The following CLVS1 variants were observed in gnomAD, a reference collection of about 807,000 sequenced individuals.
CLVS1 encodes clavesin-1.
A neutral mutation model predicts 33.1 loss-of-function variants in CLVS1; 10 were observed. The observed-to-expected ratio is 0.30, with a 90% CI of 0.19 to 0.51. The LOEUF is 0.51. CLVS1 is among the 20% of genes least tolerant of loss of function. CLVS1 has a pLI of 0.97. For missense variants in CLVS1, 343 were observed against 433.4 expected, an observed-to-expected ratio of 0.79 and a Z score of 1.85; for synonymous variants, 163 against 166.1, an observed-to-expected ratio of 0.98 and a Z score of 0.14.
At chr8:61,495,481 AGGG>A (rs1462744188) in intron 5 of CLVS1, among the ~76,000 whole-genome samples, 2 of 152,214 alleles carry the variant, frequency 1.3e-5, no homozygotes. Context: ...CTCCCAAAAC[AGGG>A]AAAGGGGAAG....
At chr8:61,137,134 A>C (rs1052641348) in intron 2 of CLVS1, among the ~76,000 whole-genome samples, 2 of 152,230 alleles carry the variant, frequency 1.3e-5, no homozygotes, top group Non-Finnish European at 2.9e-5. Flanking sequence ...CGTGCTGCAT[A>C]ATAGAAGACA....
At chr8:61,092,223 A>T (rs535871594) in intron 1 of CLVS1, among the ~76,000 whole-genome samples, 1 of 152,164 alleles carries the variant, frequency 6.6e-6, no homozygotes. Context: ...ATTAATTACC[A>T]GTTGGTGTTT....
At chr8:61,494,659 T>TTG (rs3063292) in intron 5 of CLVS1, among the ~76,000 whole-genome samples, 126,374 of 151,984 alleles carry the variant, frequency 0.83, 52,867 homozygotes, top group Non-Finnish European at 0.86. Flanking sequence ...GGAGACATGT[T>TTG]TCAGTGAGCA....
chr8:61,186,513 A>G (rs1807346762), intron 2 of CLVS1, among the ~76,000 whole-genome samples: 1 of 152,192 alleles, frequency 6.6e-6, no homozygotes. Context: ...AAAGTGACAG[A>G]TAAATGCTCT....
intron 1 of CLVS1, among the ~76,000 whole-genome samples, chr8:61,100,023 C>T (rs1805421075): frequency 6.6e-6 from 1 of 152,130 alleles, no homozygotes; most frequent in African/African-American, 2.4e-5. Context: ...ATGGGAAACA[C>T]CATCTTCCAC....
chr8:61,151,491 G>C (rs1202421607), intron 2 of CLVS1, among the ~76,000 whole-genome samples: 1 of 152,176 alleles, frequency 6.6e-6, no homozygotes, highest in Non-Finnish European at 1.5e-5. Flanking sequence ...ATGGAGGCTA[G>C]ATCAGCCTTA....
chr8:61,464,163 C>A (rs1021347509), intron 5 of CLVS1, among the ~76,000 whole-genome samples: 1 of 151,938 alleles, frequency 6.6e-6, no homozygotes, highest in African/African-American at 2.4e-5. Context: ...GTGAGTCATG[C>A]TGTTGGAAAA....
chr8:61,404,258 A>T (rs1210196512), intron 3 of CLVS1, among the ~76,000 whole-genome samples: 1 of 152,180 alleles, frequency 6.6e-6, no homozygotes, highest in East Asian at 1.9e-4. Flanking sequence ...TGTCCAGAGT[A>T]TTCTGTGAGT....
chr8:61,367,226 T>A (rs1290366944), intron 2 of CLVS1, among the ~76,000 whole-genome samples: 2 of 152,254 alleles, frequency 1.3e-5, no homozygotes, highest in East Asian at 3.9e-4. Flanking sequence ...ACAGAAGCCA[T>A]CATTTCCTTC....
chr8:61,085,321 C>T (rs1314059850), intron 1 of CLVS1, among the ~76,000 whole-genome samples: 1 of 152,274 alleles, frequency 6.6e-6, no homozygotes, highest in South Asian at 2.1e-4. Context: ...TGTCCCAAAA[C>T]ATGTAAGTAG....
At chr8:61,249,063 A>G (rs919089555) in intron 2 of CLVS1, among the ~76,000 whole-genome samples, 2 of 151,874 alleles carry the variant, frequency 1.3e-5, no homozygotes, top group Non-Finnish European at 2.9e-5. Context: ...ATTCTTCCCC[A>G]AGTCCCCCAC....
intron 5 of CLVS1, among the ~76,000 whole-genome samples, chr8:61,482,450 A>G (rs961660231): frequency 6.6e-6 from 1 of 152,192 alleles, no homozygotes; most frequent in Non-Finnish European, 1.5e-5. Context: ...AGAAGCTAAA[A>G]ACCTTGAAAA....
chr8:61,202,410 T>C, intron 2 of CLVS1: 1 of 766,778 alleles, frequency 1.3e-6, no homozygotes, highest in Non-Finnish European at 2.4e-6. Context: ...ATCTTTTTGG[T>C]TGTGAACTAA....
In CLVS1 at chr8:61,115,509, C is replaced by A. The variant is rs190339472; in HGVS notation, c.-242-16261C>A. ...TCATCTAGCATTAGGTATATCTCCC[C>A]ATGCTATCCCTCCCCACTCCCCCGA... On this transcript the variant is annotated intron_variant, in intron 1 of 2. Coordinates refer to the CLVS1 transcript ENST00000522621. 1.3e-3 allele frequency among the ~76,000 whole-genome samples: 201 copies of A among 152,130 alleles called. 1 individual carries two copies. Among genetic ancestry groups the A allele is most frequent in the African/African-American group, 4.3e-3 (178 of 41,508 alleles).
At chr8:61,288,352 C>CT (rs1237647816) in intron 1 of CLVS1, 2 of 442,066 alleles carry the variant, frequency 4.5e-6, no homozygotes, top group Non-Finnish European at 9.2e-6. Context: ...CCTGCGCCCC[C>CT]TTACACATCA....
At chr8:61,425,851 G>C (rs1175536949) in intron 3 of CLVS1, among the ~76,000 whole-genome samples, 1 of 152,130 alleles carries the variant, frequency 6.6e-6, no homozygotes, top group Non-Finnish European at 1.5e-5. Context: ...CTTGAGGAAA[G>C]CTCAGACTAC....
At chr8:61,167,567 C>T (rs1806901729) in intron 2 of CLVS1, among the ~76,000 whole-genome samples, 1 of 152,184 alleles carries the variant, frequency 6.6e-6, no homozygotes, top group Admixed American at 6.5e-5. Context: ...TGTGAGGAAA[C>T]ATCAGAGTTC....
At chr8:61,486,182 C>A in intron 5 of CLVS1, among the ~76,000 whole-genome samples, 1 of 152,032 alleles carries the variant, frequency 6.6e-6, no homozygotes, top group East Asian at 1.9e-4. Context: ...GGAACAAGAA[C>A]ACAGACAAGG....
chr8:61,090,529 A>T (rs1398529566), intron 1 of CLVS1, among the ~76,000 whole-genome samples: 4 of 138,112 alleles, frequency 2.9e-5, no homozygotes, highest in South Asian at 2.2e-4. Context: ...GCTACCCTTT[A>T]AAAAAAAAAG....
Sources: allele counts gnomAD v4.1 joint callset (sites outside exome capture counted in the v4.1 genomes callset), GRCh38; gene constraint gnomAD v4.1.1; transcripts MANE v1.5; gene names NCBI Gene and HGNC (gene_info 2026-07-23, HGNC 2026-07-21).